NAPEPLD: variants seen among roughly 807,000 people sequenced by gnomAD.
NAPEPLD encodes the protein N-acyl-phosphatidylethanolamine-hydrolyzing phospholipase D.
NAPEPLD carries 23 observed loss-of-function variants against 38.1 expected under a neutral mutation model. That is an observed-to-expected ratio of 0.60 (90% CI 0.43 to 0.86). The LOEUF is 0.86. NAPEPLD is among the 40% of genes least tolerant of loss of function. The probability of loss-of-function intolerance (pLI) is 0.00; values close to 1 mark genes in which losing one functional copy is unlikely to be tolerated. For missense variants in NAPEPLD, 411 were observed against 476.8 expected (o/e 0.86, Z 1.28); for synonymous variants, 147 against 162.0 (o/e 0.91, Z 0.71).
intron 3 of NAPEPLD, among the ~76,000 whole-genome samples, 172 bp downstream of exon 3, chr7:103,119,405 A>G (rs1806172820): frequency 6.6e-6 from 1 of 151,952 alleles, no homozygotes; most frequent in Non-Finnish European, 1.5e-5. Flanking sequence ...TTTAATTTAA[A>G]ATATTTAAAA....
chr7:103,137,941 G>C (rs1403296361), intron 1 of NAPEPLD, among the ~76,000 whole-genome samples: 1 of 151,656 alleles, frequency 6.6e-6, no homozygotes, highest in African/African-American at 2.4e-5. Flanking sequence ...AACTTGAAAT[G>C]CGTCCTAAAT....
At chr7:103,141,366 C>A in intron 1 of NAPEPLD, 1 of 748,676 alleles carries the variant, frequency 1.3e-6, no homozygotes. Context: ...TTGGTCTCTT[C>A]CTCCTTGGAC....
intron 1 of NAPEPLD, among the ~76,000 whole-genome samples, chr7:103,139,958 G>T (rs896709773): frequency 6.6e-6 from 1 of 152,124 alleles, no homozygotes; most frequent in African/African-American, 2.4e-5. Flanking sequence ...TTTAAGAATA[G>T]CAGAAAGTTT....
intron 1 of NAPEPLD, among the ~76,000 whole-genome samples, chr7:103,137,343 A>C (rs1203034720): frequency 1.3e-5 from 2 of 152,110 alleles, no homozygotes; most frequent in Non-Finnish European, 2.9e-5. Context: ...ACACTCTAGA[A>C]GCTTCCTCTA....
upstream of NAPEPLD, chr7:103,149,466 C>G (rs1011001972): frequency 1.6e-6 from 2 of 1,265,360 alleles, no homozygotes; most frequent in Non-Finnish European, 2.0e-6. Context: ...CGCTTCAGCT[C>G]TCGCCGCCTC....
In NAPEPLD at chr7:103,103,345, AT is replaced by A. The variant is rs1738836290; in HGVS notation, c.*83del. The A allele has an allele frequency of 1.4e-6, 2 of 1,392,194 alleles. No homozygotes were observed. Among genetic ancestry groups the A allele is most frequent in the Admixed American group, 2.6e-5 (1 of 38,604 alleles). 86.2% of individuals were successfully genotyped at this position (1,392,194 alleles called of 1,614,324 possible). ...TGTTTCCAAATGTAAAATAATCACAATATTCATGAATTTCTAAGTCTTTTCA... is the reference window on the plus strand; with the variant it reads ...TGTTTCCAAATGTAAAATAATCACAAATTCATGAATTTCTAAGTCTTTTCA... On this transcript the variant is annotated 3_prime_UTR_variant, in exon 5 of 5. Coordinates refer to ENST00000465647, the MANE Select transcript of NAPEPLD (RefSeq NM_001122838.3).
intron 2 of NAPEPLD, among the ~76,000 whole-genome samples, chr7:103,125,920 T>TAATAATAAA (rs1419156556): frequency 7.5e-6 from 1 of 133,262 alleles, no homozygotes; most frequent in African/African-American, 2.8e-5. Flanking sequence ...ATAATAATAA[T>TAATAATAAA]AAATAAAAAT....
rs1806357643 is a variant in NAPEPLD, at chr7:103,120,166, C to G, written c.352G>C (p.Ala118Pro). ...CTTAAGCCAGCTTCCCTCACTCCAGCTTCTTCAGGGTTAGTGATAAAATAT... is the reference window on the plus strand; with the variant it reads ...CTTAAGCCAGCTTCCCTCACTCCAGGTTCTTCAGGGTTAGTGATAAAATAT... ...KPYFITNPEE[A>P]GVREAGLRVT... Residue 118 changes from alanine (A) to proline (P), a missense_variant, in exon 3 of 5, where the codon GCT becomes CCT. Transcript: ENST00000465647. 1 of 1,614,032 alleles carries G rather than the reference C, an allele frequency of 6.2e-7. No individual in the cohort carries two copies. The highest frequency in any genetic ancestry group is 1.3e-5 in the African/African-American group (1 of 74,888).
intron 2 of NAPEPLD, 72 bp downstream of exon 2, chr7:103,128,411 A>T (rs781223683): frequency 1.4e-4 from 222 of 1,541,420 alleles, no homozygotes; most frequent in Middle Eastern, 5.1e-4. Flanking sequence ...CTTATGATAT[A>T]CAAGGGCTCA....
At position 103,100,368 on chromosome 7, in the gene NAPEPLD, CCT is replaced by C. The variant is rs1309678017; in HGVS notation, c.*3059_*3060del. 2.6e-5 allele frequency: 4 copies of C among 152,268 alleles called. No individual in the cohort carries two copies. The allele number at this position is 152,268 out of a possible 1,614,324, so 9.4% of individuals were successfully genotyped here. On this transcript the variant is annotated 3_prime_UTR_variant, in exon 5 of 5. Coordinates refer to ENST00000465647, the MANE Select transcript of NAPEPLD (RefSeq NM_001122838.3). The stretch of plus-strand genomic sequence containing the variant: ...AGATTCTAAAACTGTGTCTTCTTGT[CCT>C]CTCATTAGTTTGAATAATCACACTC...
At chr7:103,122,061 C>T (rs1316920827) in intron 2 of NAPEPLD, among the ~76,000 whole-genome samples, 2 of 151,158 alleles carry the variant, frequency 1.3e-5, no homozygotes, top group Non-Finnish European at 2.9e-5. Flanking sequence ...ACATTAAGAG[C>T]CTTGAGTGTC....
chr7:103,133,480 C>T lies in NAPEPLD; in HGVS notation c.-16-4688G>A, dbSNP rs141138083. Among the ~76,000 whole-genome samples the T allele has an allele frequency of 4.8e-3, 729 of 152,296 alleles. 6 individuals are homozygous for T. Among genetic ancestry groups the T allele is most frequent in the African/African-American group, 0.017 (686 of 41,554 alleles). ...CATTTGCTGAATGTGCAAAATGACA[C>T]GCTCTGCCAACAGGTGCTCCAGTGA... On this transcript the variant is annotated intron_variant, in intron 1 of 4. Coordinates refer to ENST00000465647, the MANE Select transcript of NAPEPLD (RefSeq NM_001122838.3).
chr7:103,145,711 G>A (rs1460420660), intron 1 of NAPEPLD, among the ~76,000 whole-genome samples: 2 of 152,102 alleles, frequency 1.3e-5, no homozygotes, highest in Non-Finnish European at 2.9e-5. Flanking sequence ...AGAGTTACAT[G>A]ACATTCCAAG....
At chr7:103,120,917 G>C (rs1806567993) in intron 2 of NAPEPLD, among the ~76,000 whole-genome samples, 1 of 151,666 alleles carries the variant, frequency 6.6e-6, no homozygotes, top group Admixed American at 6.6e-5. Context: ...TCATTATGTT[G>C]CCCAGATTGA....
At chr7:103,129,983 T>C (rs1461372533) in intron 1 of NAPEPLD, among the ~76,000 whole-genome samples, 1 of 152,234 alleles carries the variant, frequency 6.6e-6, no homozygotes, top group Non-Finnish European at 1.5e-5. Flanking sequence ...TTTTGACCTA[T>C]ATAGGACTCC....
chr7:103,111,043 A>C (rs1433764543), intron 4 of NAPEPLD, among the ~76,000 whole-genome samples: 2 of 152,190 alleles, frequency 1.3e-5, no homozygotes, highest in Non-Finnish European at 2.9e-5. Flanking sequence ...CTAGGAATAC[A>C]ACTTACAAGG....
chr7:103,123,658 T>C (rs1432750963), intron 2 of NAPEPLD, among the ~76,000 whole-genome samples: 2 of 152,202 alleles, frequency 1.3e-5, no homozygotes, highest in Non-Finnish European at 2.9e-5. Context: ...ACCACAACAC[T>C]GGAAGTAGGT....
intron 1 of NAPEPLD, among the ~76,000 whole-genome samples, chr7:103,148,450 G>A (rs1044008175): frequency 3.0e-5 from 4 of 133,352 alleles, no homozygotes; most frequent in African/African-American, 1.2e-4. Flanking sequence ...TCGAGCTCTA[G>A]CTTGAAAAAA....
At chr7:103,130,627 C>G (rs1206742583) in intron 1 of NAPEPLD, among the ~76,000 whole-genome samples, 1 of 152,116 alleles carries the variant, frequency 6.6e-6, no homozygotes, top group Admixed American at 6.5e-5. Context: ...CAGGGTCTCA[C>G]TCTGTCACCC....
Sources: gnomAD v4.1 joint callset for allele counts (sites outside exome capture counted in the v4.1 genomes callset) on GRCh38, gnomAD v4.1.1 for gene constraint, MANE v1.5 for transcripts, NCBI Gene and HGNC (gene_info 2026-07-23, HGNC 2026-07-21) for gene names.